Variants in SPG7 observed in about 807,000 individuals in gnomAD.
SPG7 encodes SPG7 matrix AAA peptidase subunit, paraplegin, also known as mitochondrial inner membrane m-AAA protease component paraplegin.
SPG7 carries 103 observed loss-of-function variants against 81.9 expected under a neutral mutation model. The observed-to-expected ratio is 1.26, with a 90% CI of 1.07 to 1.48. The LOEUF (loss-of-function observed/expected upper bound fraction) is 1.48, where lower values mean the gene tolerates loss of function less well. Ranked by LOEUF, SPG7 falls within the 40% of genes most tolerant of loss-of-function variation. The pLI is 0.00. For synonymous variants in SPG7, 534 were observed against 444.2 expected (o/e 1.20, Z -2.54); for missense variants, 1,241 against 1,087.3 (o/e 1.14, Z -1.99).
chr16:89,544,435 T>A, intron 9 of SPG7: 1 of 571,618 alleles, frequency 1.7e-6, no homozygotes, highest in Non-Finnish European at 3.2e-6. Context: ...TGTTTGCACT[T>A]GTCAAAATAG....
chr16:89,535,545 C>A (rs2058402591), intron 9 of SPG7, among the ~76,000 whole-genome samples: 1 of 152,244 alleles, frequency 6.6e-6, no homozygotes, highest in Non-Finnish European at 1.5e-5. Context: ...ACCTGAATGG[C>A]TGCCTTCTGC....
At chr16:89,534,163 C>T (rs1357922040) in intron 9 of SPG7, among the ~76,000 whole-genome samples, 1 of 152,236 alleles carries the variant, frequency 6.6e-6, no homozygotes, top group Non-Finnish European at 1.5e-5. Flanking sequence ...CAACCCTCCC[C>T]ATTCTCCATC....
chr16:89,546,582 C>G lies in SPG7; in HGVS notation c.1450-76C>G, dbSNP rs1011162153. The G allele has an allele frequency of 7.2e-4, 706 of 976,224 alleles. 5 individuals carry two copies. Among genetic ancestry groups the G allele is most frequent in the South Asian group, 1.6e-3 (123 of 78,284 alleles). The allele number at this position is 976,224 out of a possible 1,614,324, so 60.5% of individuals were successfully genotyped here. On this transcript the variant is annotated intron_variant, in intron 10 of 16. Transcript: ENST00000645818. ...CCAGCTACTTGGGGACCCCCCCCCC[C>G]CACAGACAAACATGCCGCACCTGTG...
intron 10 of SPG7, chr16:89,545,800 T>G (rs1282910318): frequency 2.7e-6 from 1 of 376,408 alleles, no homozygotes; most frequent in Non-Finnish European, 5.3e-6. Flanking sequence ...ATTTGCTGTG[T>G]GTGACGTGCT....
Position 89,555,497 on chromosome 16 carries a change from C to T in SPG7, c.2181+934C>T, listed in dbSNP as rs532872461. On this transcript the variant is annotated intron_variant, in intron 16 of 16. Transcript: ENST00000645818. ...GTCCTCCCACCTGAGGAGCCCCCGC[C>T]GACCCGCGGTGTTGGGTCCACACGT... 8 of 170,962 alleles carry T rather than the reference C, an allele frequency of 4.7e-5. No homozygotes were observed. The South Asian group carries it at 6.0e-4, about 13-fold the overall frequency. The allele number at this position is 170,962 out of a possible 1,614,324, so 10.6% of individuals were successfully genotyped here. A position where few individuals can be genotyped will look rare whatever the true frequency, so the allele number is the denominator to read the frequency against.
rs143201041 is a variant in SPG7 at position 89,524,018 on chromosome 16, G to A, written c.389G>A (p.Arg130His). The change falls in exon 4 of 17, where the codon CGC becomes CAC. Residue 130 changes from arginine (R) to histidine (H), a missense_variant. Arg to His is a conservative substitution (Grantham distance 29). Coordinates refer to ENST00000645818, the MANE Select transcript of SPG7 (RefSeq NM_003119.4). ...APEEDEEERRRRERDDQMYRE... is the reference protein window; with the variant it reads ...APEEDEEERRHRERDDQMYRE... ...TCTGCCGGCTCAGAGGAGAGGAGAC[G>A]CCGTGAGCGGGACGACCAGATGTAC... 10 of 1,612,616 alleles carry A rather than the reference G, an allele frequency of 6.2e-6. No homozygotes were observed. Among genetic ancestry groups the A allele is most frequent in the African/African-American group, 4.0e-5 (3 of 74,890 alleles).
At chr16:89,551,200 GTC>G (rs1567932402) in intron 13 of SPG7, 1 of 180,680 alleles carries the variant, frequency 5.5e-6, no homozygotes, top group Non-Finnish European at 1.2e-5. Flanking sequence ...CCAAGAGGAG[GTC>G]TCTACTCGGA....
chr16:89,513,694 G>T (rs1017175364), intron 3 of SPG7, among the ~76,000 whole-genome samples: 2 of 152,120 alleles, frequency 1.3e-5, no homozygotes, highest in African/African-American at 4.8e-5. Context: ...GGGGCAGAAG[G>T]GTTGAACTCA....
intron 6 of SPG7, 180 bp downstream of exon 6, chr16:89,529,759 C>G (rs1347688485): frequency 1.5e-6 from 1 of 666,352 alleles, no homozygotes; most frequent in African/African-American, 1.8e-5. Flanking sequence ...GTGTAGTAAC[C>G]AATGTTGCCT....
intron 13 of SPG7, chr16:89,552,601 C>T (rs1256549852): frequency 6.1e-6 from 2 of 328,432 alleles, no homozygotes; most frequent in African/African-American, 4.3e-5. Context: ...GCCTCAGCAT[C>T]GTGGGGTTCT....
chr16:89,526,190 C>T, intron 4 of SPG7, 139 bp from the exon 5 acceptor site: 1 of 984,580 alleles, frequency 1.0e-6, no homozygotes, highest in East Asian at 2.4e-5. Context: ...TTAGGAATCA[C>T]CTCTAGTTTC....
intron 14 of SPG7, chr16:89,553,537 A>C (rs2058657748): frequency 1.8e-6 from 1 of 558,474 alleles, no homozygotes. Flanking sequence ...TGTGCTTGAG[A>C]ACTGCCATGC....
At chr16:89,537,398 C>CGCGGGAGCT in intron 9 of SPG7, 1 of 1,067,166 alleles carries the variant, frequency 9.4e-7, no homozygotes, top group East Asian at 7.5e-5. Context: ...GCTGACCACA[C>CGCGGGAGCT]GCGGGAGCTG....
chr16:89,513,117 A>G (rs1292071224), intron 3 of SPG7, 80 bp downstream of exon 3: 16 of 1,534,020 alleles, frequency 1.0e-5, no homozygotes, highest in Non-Finnish European at 1.4e-5. Flanking sequence ...GCAAGGTGAA[A>G]CCAGTCTGGA....
intron 6 of SPG7, chr16:89,529,911 C>G: frequency 2.7e-6 from 1 of 365,878 alleles, no homozygotes; most frequent in South Asian, 2.3e-5. Context: ...GCGATCTCAG[C>G]TCACCGCAAC....
chr16:89,557,401 C>T lies in SPG7; in HGVS notation c.*308C>T. 2.4e-6 allele frequency: 1 copy of T among 418,002 alleles called. No individual in the cohort carries two copies. The highest frequency in any genetic ancestry group is 4.4e-6 in the Non-Finnish European group (1 of 225,294). 25.9% of individuals were successfully genotyped at this position (418,002 alleles called of 1,614,324 possible). On this transcript the variant is annotated 3_prime_UTR_variant, in exon 17 of 17. Transcript: ENST00000645818. ...ACAGTCGTTCCCAGTGTGGCTGAGGCCACCCAGAGGCAGCAGAGCATTCAG... is the reference window on the plus strand; with the variant it reads ...ACAGTCGTTCCCAGTGTGGCTGAGGTCACCCAGAGGCAGCAGAGCATTCAG...
chr16:89,537,664 G>A (rs1346813839), intron 9 of SPG7: 2 of 969,906 alleles, frequency 2.1e-6, no homozygotes, highest in East Asian at 2.3e-4. Context: ...CAAGGCTTGA[G>A]TCACCATGCC....
Position 89,546,731 on chromosome 16 carries a change from G to A in SPG7, c.1523G>A (p.Arg508His), listed in dbSNP as rs201733920. 65 of 1,613,192 alleles carry A rather than the reference G, an allele frequency of 4.0e-5. No homozygotes were observed. Among genetic ancestry groups the A allele is most frequent in the East Asian group, 2.9e-4 (13 of 44,862 alleles). Residue 508 changes from arginine (R) to histidine (H), a missense_variant, in exon 11 of 17, where the codon CGT (arginine) becomes CAT (histidine). Coordinates refer to ENST00000645818, the MANE Select transcript of SPG7 (RefSeq NM_003119.4). ...CAGTCCAGCACCTTTTACTCCCAGC[G>A]TCTGGCAGAGCTGACACCAGGATTC... The part of the protein sequence containing the change: ...LTQSSTFYSQ[R>H]LAELTPGFSG...
chr16:89,513,144 C>G (rs149375756), intron 3 of SPG7, 107 bp downstream of exon 3: 82 of 1,483,354 alleles, frequency 5.5e-5, no homozygotes, highest in Non-Finnish European at 2.5e-5. Flanking sequence ...GGAGATGGGC[C>G]GGGTGCAGTG....
Sources: allele counts gnomAD v4.1 joint callset (sites outside exome capture counted in the v4.1 genomes callset), GRCh38; gene constraint gnomAD v4.1.1; transcripts MANE v1.5; gene names NCBI Gene and HGNC (gene_info 2026-07-23, HGNC 2026-07-21).